KIAA1217: variants seen among roughly 807,000 people sequenced by gnomAD.
KIAA1217 encodes the protein sickle tail protein homolog.
A neutral mutation model predicts 163.9 loss-of-function variants in KIAA1217; 88 were observed. The observed-to-expected ratio is 0.54, with a 90% CI of 0.45 to 0.64. The LOEUF (loss-of-function observed/expected upper bound fraction) is 0.64. Ranked by LOEUF, KIAA1217 falls within the 30% of genes least tolerant of loss-of-function variation. The pLI, the probability that KIAA1217 is intolerant of heterozygous loss-of-function variation, is 0.00. For synonymous variants in KIAA1217, 903 were observed against 923.1 expected, an observed-to-expected ratio of 0.98 and a Z score of 0.39; for missense variants, 2,372 against 2,475.0, an observed-to-expected ratio of 0.96 and a Z score of 0.88.
chr10:24,289,552 AG>A, intron 2 of KIAA1217, among the ~76,000 whole-genome samples: 1 of 152,148 alleles, frequency 6.6e-6, no homozygotes, highest in South Asian at 2.1e-4. Context: ...AAGTTGTAGA[AG>A]GTTTACTGCT....
intron 5 of KIAA1217, among the ~76,000 whole-genome samples, chr10:24,456,167 T>G (rs535978880): frequency 6.6e-6 from 1 of 152,332 alleles, no homozygotes; most frequent in Non-Finnish European, 1.5e-5. Context: ...ACTACAGGCG[T>G]GAGCCACCAT....
At chr10:23,788,555 G>C (rs926944209) in intron 1 of KIAA1217, among the ~76,000 whole-genome samples, 1 of 152,190 alleles carries the variant, frequency 6.6e-6, no homozygotes, top group African/African-American at 2.4e-5. Context: ...ATTATCCTTT[G>C]TTTCCACTTC....
intron 5 of KIAA1217, among the ~76,000 whole-genome samples, chr10:24,451,523 A>G (rs959547001): frequency 6.6e-6 from 1 of 152,230 alleles, no homozygotes; most frequent in African/African-American, 2.4e-5. Flanking sequence ...AACAGCATCA[A>G]CAGGGGATGC....
At chr10:23,798,021 C>T (rs539982623) in intron 1 of KIAA1217, among the ~76,000 whole-genome samples, 4 of 152,258 alleles carry the variant, frequency 2.6e-5, no homozygotes, top group Admixed American at 2.6e-4. Context: ...TTTTTAGTCA[C>T]AAGTTCAATG....
intron 1 of KIAA1217, among the ~76,000 whole-genome samples, chr10:23,900,350 T>C (rs1260098322): frequency 6.6e-6 from 1 of 151,950 alleles, no homozygotes; most frequent in African/African-American, 2.4e-5. Context: ...GATTTTACAA[T>C]CCGCAGCTAC....
chr10:24,003,656 G>A (rs1846854970), intron 1 of KIAA1217, among the ~76,000 whole-genome samples: 1 of 152,128 alleles, frequency 6.6e-6, no homozygotes, highest in Admixed American at 6.5e-5. Context: ...TGCAAAAAGG[G>A]GTGGGTTTCA....
At chr10:23,839,943 G>A (rs1402435948) in intron 1 of KIAA1217, among the ~76,000 whole-genome samples, 2 of 152,020 alleles carry the variant, frequency 1.3e-5, no homozygotes. Context: ...GGAAATAGGT[G>A]GTAAAGGGGC....
chr10:23,876,620 G>T (rs1370201622), intron 1 of KIAA1217, among the ~76,000 whole-genome samples: 5 of 151,914 alleles, frequency 3.3e-5, no homozygotes, highest in Admixed American at 2.6e-4. Flanking sequence ...CCAGAAACAT[G>T]GGCCATACAC....
chr10:23,802,298 C>A (rs538423279), intron 1 of KIAA1217, among the ~76,000 whole-genome samples: 11 of 152,254 alleles, frequency 7.2e-5, no homozygotes, highest in African/African-American at 2.6e-4. Flanking sequence ...TCTGTTCCAA[C>A]ACATGATGAA....
rs541532345 is a variant in KIAA1217, at chr10:24,309,856, C to T, written c.355-71013C>T. On this transcript the variant is annotated intron_variant, in intron 2 of 20. Transcript: ENST00000376454. ...CCTGATGTGTAGAATTTCCCTGCAA[C>T]ACTCTGCTACCACAAAGAGGGGCTT... 5.9e-5 allele frequency among the ~76,000 whole-genome samples: 9 copies of T among 152,324 alleles called. No homozygotes were observed. In the East Asian group the frequency reaches 1.5e-3, roughly 26 times the overall value.
At chr10:23,958,052 G>A (rs1027228543) in intron 1 of KIAA1217, among the ~76,000 whole-genome samples, 1 of 152,196 alleles carries the variant, frequency 6.6e-6, no homozygotes, top group Non-Finnish European at 1.5e-5. Context: ...AGCAGAAAAA[G>A]TAATACTTTG....
chr10:24,527,470 T>C (rs2134855237), intron 13 of KIAA1217, among the ~76,000 whole-genome samples: 1 of 148,902 alleles, frequency 6.7e-6, no homozygotes, highest in Non-Finnish European at 1.5e-5. Flanking sequence ...AAGACCAGCC[T>C]GGGCAACGTA....
chr10:24,099,643 G>T (rs964266330), intron 2 of KIAA1217, among the ~76,000 whole-genome samples: 2 of 148,080 alleles, frequency 1.4e-5, no homozygotes, highest in Admixed American at 1.4e-4. Flanking sequence ...ACAATGTGCA[G>T]GTTTGTTACA....
intron 1 of KIAA1217, among the ~76,000 whole-genome samples, chr10:23,970,239 T>G (rs747632887): frequency 1.3e-5 from 2 of 152,240 alleles, no homozygotes; most frequent in African/African-American, 2.4e-5. Context: ...CCAAGTATTC[T>G]TCTTAGGGAT....
chr10:24,224,849 T>C (rs1159380430), intron 2 of KIAA1217, among the ~76,000 whole-genome samples: 1 of 140,718 alleles, frequency 7.1e-6, no homozygotes, highest in Non-Finnish European at 1.6e-5. Context: ...TTTTTTGAGA[T>C]GGAGTCTCAC....
chr10:23,838,726 G>T (rs1031145796), intron 1 of KIAA1217, among the ~76,000 whole-genome samples: 12 of 152,290 alleles, frequency 7.9e-5, no homozygotes, highest in South Asian at 6.2e-4. Flanking sequence ...CTCCCAAAGT[G>T]TTGGGATAAC....
chr10:24,171,182 G>A (rs746243745), intron 2 of KIAA1217, among the ~76,000 whole-genome samples: 7 of 152,164 alleles, frequency 4.6e-5, no homozygotes, highest in Non-Finnish European at 7.3e-5. Flanking sequence ...TGAGTGCTCC[G>A]AGCAAATGGG....
At chr10:24,183,294 AATGG>A (rs1049797102) in intron 2 of KIAA1217, among the ~76,000 whole-genome samples, 2 of 152,182 alleles carry the variant, frequency 1.3e-5, no homozygotes, top group African/African-American at 4.8e-5. Context: ...AGCAACACAA[AATGG>A]ATGAAGACAC....
intron 6 of KIAA1217, among the ~76,000 whole-genome samples, chr10:24,479,908 G>C (rs2064454206): frequency 6.6e-6 from 1 of 152,144 alleles, no homozygotes. Flanking sequence ...TCACTACATT[G>C]AGAACAGCAT....
Sources: allele counts gnomAD v4.1 joint callset (sites outside exome capture counted in the v4.1 genomes callset), GRCh38; gene constraint gnomAD v4.1.1; transcripts MANE v1.5; gene names NCBI Gene and HGNC (gene_info 2026-07-23, HGNC 2026-07-21).